The following MDFIC variants were observed in gnomAD, a reference collection of about 807,000 sequenced individuals.
MDFIC encodes the protein MyoD family inhibitor domain containing.
In MDFIC, 17 loss-of-function variants were observed where a neutral mutation model predicts 23.2. The observed-to-expected ratio is 0.73, with a 90% CI of 0.50 to 1.10. MDFIC has a LOEUF of 1.10. Ranked by LOEUF, MDFIC falls within the 50% of genes least tolerant of loss-of-function variation. MDFIC has a pLI of 0.00. For missense variants in MDFIC, 356 were observed against 316.6 expected, an observed-to-expected ratio of 1.12 and a Z score of -0.95; for synonymous variants, 120 against 115.2, an observed-to-expected ratio of 1.04 and a Z score of -0.27.
intron 3 of MDFIC, among the ~76,000 whole-genome samples, chr7:114,953,336 A>G (rs1274943698): frequency 6.6e-6 from 1 of 152,218 alleles, no homozygotes; most frequent in Admixed American, 6.5e-5. Context: ...ATATCATAAA[A>G]ATCTTTTTTA....
intron 4 of MDFIC, among the ~76,000 whole-genome samples, chr7:115,004,021 C>T: frequency 6.6e-6 from 1 of 152,010 alleles, no homozygotes; most frequent in Non-Finnish European, 1.5e-5. Context: ...TTAGTAAGCA[C>T]TATATAAAAG....
chr7:114,969,629 A>G (rs1253071720), intron 3 of MDFIC, among the ~76,000 whole-genome samples: 8 of 152,210 alleles, frequency 5.3e-5, no homozygotes. Context: ...TACTGCTACC[A>G]GAAGAAAGGG....
At chr7:114,932,988 G>A (rs755259614) in intron 2 of MDFIC, among the ~76,000 whole-genome samples, 16 of 152,138 alleles carry the variant, frequency 1.1e-4, no homozygotes, top group Non-Finnish European at 1.8e-4. Flanking sequence ...GCATAACTCT[G>A]AAATGCTCTT....
chr7:115,005,922 C>G (rs537507402), intron 4 of MDFIC, among the ~76,000 whole-genome samples: 75 of 152,236 alleles, frequency 4.9e-4, no homozygotes, highest in African/African-American at 1.7e-3. Flanking sequence ...TAGGATTTAC[C>G]TCCTGTGCAC....
intron 4 of MDFIC, among the ~76,000 whole-genome samples, chr7:114,995,659 A>G (rs532647474): frequency 6.6e-6 from 1 of 152,302 alleles, no homozygotes; most frequent in African/African-American, 2.4e-5. Flanking sequence ...GCAGAACAGC[A>G]AATATTGCTG....
chr7:115,003,964 G>A (rs1456229116), intron 4 of MDFIC, among the ~76,000 whole-genome samples: 1 of 152,122 alleles, frequency 6.6e-6, no homozygotes, highest in East Asian at 1.9e-4. Context: ...TATTCTAAGA[G>A]TTTAGTGAGT....
At chr7:115,014,072 C>G in intron 4 of MDFIC, 5 of 985,308 alleles carry the variant, frequency 5.1e-6, no homozygotes, top group Non-Finnish European at 4.8e-6. Context: ...TCTGGAATTT[C>G]CCTTTTGAGT....
chr7:114,973,101 G>GTGTGTGTA (rs367602602), intron 3 of MDFIC, among the ~76,000 whole-genome samples: 1 of 147,746 alleles, frequency 6.8e-6, no homozygotes, highest in Non-Finnish European at 1.5e-5. Flanking sequence ...GTGTGTGTGT[G>GTGTGTGTA]TATATATATA....
At chr7:114,970,997 A>G (rs1336682651) in intron 3 of MDFIC, among the ~76,000 whole-genome samples, 2 of 152,166 alleles carry the variant, frequency 1.3e-5, no homozygotes, top group Admixed American at 1.3e-4. Context: ...ACACAATAAG[A>G]AATTTATTTG....
rs1177530393 is a variant in MDFIC at position 115,018,678 on chromosome 7, G to T, written c.*2743G>T. On this transcript the variant is annotated 3_prime_UTR_variant, in exon 5 of 5. Transcript: ENST00000393486. The stretch of plus-strand genomic sequence containing the variant: ...GCGGTGTCCTTTTAAATGTGGAAAG[G>T]CTTTTAAAATATTTTAAAACTGGAC... The T allele has an allele frequency of 6.6e-6, 1 of 152,286 alleles. No individual in the cohort carries two copies. Among genetic ancestry groups the T allele is most frequent in the Non-Finnish European group, 1.5e-5 (1 of 67,826 alleles). The allele number at this position is 152,286 out of a possible 1,614,324, so 9.4% of individuals were successfully genotyped here.
At chr7:114,933,532 C>T (rs953039491) in intron 2 of MDFIC, among the ~76,000 whole-genome samples, 2 of 152,188 alleles carry the variant, frequency 1.3e-5, no homozygotes, top group Non-Finnish European at 2.9e-5. Context: ...GCTGGGATTA[C>T]AGGTGTGAGC....
At chr7:114,923,364 C>A in intron 2 of MDFIC, 2 of 1,337,806 alleles carry the variant, frequency 1.5e-6, no homozygotes, top group Non-Finnish European at 2.1e-6. Context: ...CCTTTGGTTG[C>A]GAAGAAACAG....
rs1792115987 is a variant in MDFIC at position 114,922,962 on chromosome 7, C to T, written c.-72C>T. The T allele has an allele frequency of 1.9e-6, 3 of 1,567,528 alleles. No homozygotes were observed. The highest frequency in any genetic ancestry group is 1.8e-5 in the Admixed American group (1 of 55,636). On this transcript the variant is annotated 5_prime_UTR_variant, in exon 2 of 5. Coordinates refer to ENST00000393486, the MANE Select transcript of MDFIC (RefSeq NM_001166345.3). Reference sequence around the variant, plus strand: ...TTCCCTGCACCCAGCACCTCACAGCCCTTCCTCCGTGCGCCCTGCCGGGCG... The same window carrying T: ...TTCCCTGCACCCAGCACCTCACAGCTCTTCCTCCGTGCGCCCTGCCGGGCG...
chr7:114,973,305 G>T (rs1793245495), intron 3 of MDFIC, among the ~76,000 whole-genome samples: 1 of 152,068 alleles, frequency 6.6e-6, no homozygotes, highest in South Asian at 2.1e-4. Context: ...CCTCCCTGCT[G>T]CCATACAGAT....
At chr7:114,979,930 A>G in intron 4 of MDFIC, 149 bp downstream of exon 4, 1 of 951,564 alleles carries the variant, frequency 1.1e-6, no homozygotes, top group Non-Finnish European at 1.6e-6. Context: ...ACTTTCCCAA[A>G]GGAAAGCACA....
intron 3 of MDFIC, among the ~76,000 whole-genome samples, chr7:114,946,142 T>C (rs1270920399): frequency 1.3e-5 from 2 of 152,184 alleles, no homozygotes; most frequent in Non-Finnish European, 2.9e-5. Context: ...TTTCATGTTT[T>C]AATTAGACAA....
intron 2 of MDFIC, among the ~76,000 whole-genome samples, chr7:114,934,877 G>A (rs182159769): frequency 6.6e-6 from 1 of 152,170 alleles, no homozygotes; most frequent in African/African-American, 2.4e-5. Context: ...AGGCAAAGTA[G>A]GTTGGTTTTG....
chr7:114,965,127 G>A (rs953942294), intron 3 of MDFIC, among the ~76,000 whole-genome samples: 12 of 152,310 alleles, frequency 7.9e-5, no homozygotes, highest in African/African-American at 2.6e-4. Flanking sequence ...AGGTGTTGAT[G>A]TAAGAGTAAG....
At chr7:115,013,048 G>A (rs1327490772) in intron 4 of MDFIC, among the ~76,000 whole-genome samples, 2 of 152,060 alleles carry the variant, frequency 1.3e-5, no homozygotes, top group Non-Finnish European at 2.9e-5. Flanking sequence ...GGAATACTAA[G>A]CACCTGGAAA....
Sources: gnomAD v4.1 joint callset for allele counts (sites outside exome capture counted in the v4.1 genomes callset) on GRCh38, gnomAD v4.1.1 for gene constraint, MANE v1.5 for transcripts, NCBI Gene and HGNC (gene_info 2026-07-23, HGNC 2026-07-21) for gene names.